Variants in RAB38 observed in about 807,000 individuals in gnomAD.
The protein encoded by RAB38 is RAB38, member RAS oncogene family, also known as ras-related protein Rab-38.
RAB38 carries 15 observed loss-of-function variants against 18.4 expected under a neutral mutation model. That is an observed-to-expected ratio of 0.82 (90% CI 0.55 to 1.26). The LOEUF is 1.26. RAB38 is among the 50% of genes most tolerant of loss of function. RAB38 has a pLI of 0.00. For synonymous variants in RAB38, 101 were observed against 104.4 expected (o/e 0.97, Z 0.20); for missense variants, 294 against 267.4 (o/e 1.10, Z -0.69).
chr11:87,912,200 G>A, the RAB38 span, among the ~76,000 whole-genome samples: 59 of 152,016 alleles, frequency 3.9e-4, no homozygotes, highest in African/African-American at 8.7e-4. Context: ...TAGTGTCAGC[G>A]TAATACTGGT....
the RAB38 span, among the ~76,000 whole-genome samples, chr11:87,859,342 A>G: frequency 6.6e-6 from 1 of 152,010 alleles, no homozygotes; most frequent in Non-Finnish European, 1.5e-5. Flanking sequence ...TTCAAGAAAA[A>G]GGGTGGTTTG....
chr11:87,872,879 T>C, the RAB38 span, among the ~76,000 whole-genome samples: 1 of 151,616 alleles, frequency 6.6e-6, no homozygotes, highest in Non-Finnish European at 1.5e-5. Context: ...ATTGTTTACT[T>C]CCAAGTTTTG....
At chr11:88,140,516 G>T (rs569022850) in intron 2 of RAB38, among the ~76,000 whole-genome samples, 81 of 152,180 alleles carry the variant, frequency 5.3e-4, no homozygotes, top group Non-Finnish European at 9.1e-4. Context: ...ATGACCAGGA[G>T]GATTCACAAT....
chr11:87,828,721 T>A, the RAB38 span, among the ~76,000 whole-genome samples: 1 of 152,174 alleles, frequency 6.6e-6, no homozygotes, highest in Non-Finnish European at 1.5e-5. Context: ...TATTCTTCAG[T>A]AATTGCTTAT....
At chr11:87,900,733 AGAGGGAGG>A in the RAB38 span, among the ~76,000 whole-genome samples, 2 of 149,236 alleles carry the variant, frequency 1.3e-5, no homozygotes, top group South Asian at 4.4e-4. Context: ...GGAAGAAGGA[AGAGGGAGG>A]GAGGGAAGAA....
chr11:87,953,595 C>G, the RAB38 span, among the ~76,000 whole-genome samples: 1 of 152,080 alleles, frequency 6.6e-6, no homozygotes, highest in African/African-American at 2.4e-5. Flanking sequence ...TATTGTTAAT[C>G]TGTTATTGTG....
the RAB38 span, among the ~76,000 whole-genome samples, chr11:87,909,215 C>G: frequency 2.6e-5 from 4 of 152,022 alleles, no homozygotes; most frequent in East Asian, 7.8e-4. Context: ...CTTTTTTTCT[C>G]TTTTCATTTA....
chr11:87,921,152 A>T, the RAB38 span, among the ~76,000 whole-genome samples: 1 of 152,052 alleles, frequency 6.6e-6, no homozygotes, highest in African/African-American at 2.4e-5. Flanking sequence ...GCTATGTATA[A>T]CTACAGACAG....
At chr11:88,075,071 G>T in the RAB38 span, among the ~76,000 whole-genome samples, 1 of 152,130 alleles carries the variant, frequency 6.6e-6, no homozygotes, top group Non-Finnish European at 1.5e-5. Context: ...TATTATTAAA[G>T]AGAAAGTTAG....
chr11:87,808,528 C>T, the RAB38 span, among the ~76,000 whole-genome samples: 3 of 152,042 alleles, frequency 2.0e-5, no homozygotes, highest in South Asian at 6.2e-4. Flanking sequence ...ATGATGGTCA[C>T]CAGGAGTGGA....
the RAB38 span, among the ~76,000 whole-genome samples, chr11:87,894,756 T>C: frequency 6.8e-6 from 1 of 146,768 alleles, no homozygotes; most frequent in South Asian, 2.1e-4. Flanking sequence ...TATGTATACA[T>C]TATATATCAT....
the RAB38 span, among the ~76,000 whole-genome samples, chr11:88,052,919 T>TTC: frequency 1.1e-4 from 3 of 27,820 alleles, no homozygotes; most frequent in South Asian, 1.8e-3. Context: ...TATATATATA[T>TTC]ATATATATAT....
At chr11:88,163,253 C>A (rs1425501397) in intron 1 of RAB38, among the ~76,000 whole-genome samples, 4 of 152,068 alleles carry the variant, frequency 2.6e-5, no homozygotes, top group Non-Finnish European at 5.9e-5. Context: ...AATGCACTTC[C>A]AGAATAGAAT....
the RAB38 span, among the ~76,000 whole-genome samples, chr11:87,937,736 T>G: frequency 1.3e-5 from 2 of 152,110 alleles, no homozygotes; most frequent in Non-Finnish European, 2.9e-5. Context: ...TTACTTATTT[T>G]AGGTTTAGAT....
chr11:88,082,040 C>T, the RAB38 span, among the ~76,000 whole-genome samples: 12 of 151,702 alleles, frequency 7.9e-5, no homozygotes, highest in African/African-American at 2.9e-4. Context: ...ACGTTGCATC[C>T]GAAAAAGGCT....
At chr11:88,063,538 C>A in the RAB38 span, among the ~76,000 whole-genome samples, 1 of 152,110 alleles carries the variant, frequency 6.6e-6, no homozygotes, top group African/African-American at 2.4e-5. Context: ...AGGGCTTAAG[C>A]AAGAACCTTT....
chr11:88,004,293 G>A, the RAB38 span, among the ~76,000 whole-genome samples: 1 of 150,772 alleles, frequency 6.6e-6, no homozygotes, highest in Non-Finnish European at 1.5e-5. Context: ...ATACATTTGA[G>A]CAAGTTAGAT....
intron 2 of RAB38, among the ~76,000 whole-genome samples, chr11:88,116,812 TA>T (rs1452270872): frequency 6.6e-6 from 1 of 152,232 alleles, no homozygotes; most frequent in Non-Finnish European, 1.5e-5. Context: ...TAGTATTTTT[TA>T]AACCTCCACT....
At chr11:88,121,103 T>C (rs1460125438) in intron 2 of RAB38, among the ~76,000 whole-genome samples, 2 of 152,226 alleles carry the variant, frequency 1.3e-5, no homozygotes, top group Non-Finnish European at 2.9e-5. Flanking sequence ...ATATCTCTAC[T>C]GAGTAGCCTT....
Sources: allele counts gnomAD v4.1 joint callset (sites outside exome capture counted in the v4.1 genomes callset), GRCh38; gene constraint gnomAD v4.1.1; transcripts MANE v1.5; gene names NCBI Gene and HGNC (gene_info 2026-07-23, HGNC 2026-07-21).